Variants in ROBO2 observed in about 807,000 individuals in gnomAD.
The protein encoded by ROBO2 is roundabout guidance receptor 2.
In ROBO2, 53 loss-of-function variants were observed where a neutral mutation model predicts 160.8. The ratio of observed to expected loss-of-function variants is 0.33; its 90% CI spans 0.26 to 0.41. ROBO2 has a LOEUF of 0.41. Ranked by LOEUF, ROBO2 falls within the 10% of genes least tolerant of loss-of-function variation. ROBO2 has a pLI of 1.00. For missense variants in ROBO2, 1,577 were observed against 1,722.4 expected (o/e 0.92, Z 1.49); for synonymous variants, 664 against 611.7 (o/e 1.09, Z -1.26).
chr3:77,619,193 T>C (rs1559741589), intron 22 of ROBO2, among the ~76,000 whole-genome samples: 1 of 152,144 alleles, frequency 6.6e-6, no homozygotes, highest in Non-Finnish European at 1.5e-5. Context: ...TGCTCAACAT[T>C]TATATGCTAT....
chr3:76,429,163 GGC>G (rs748029498), intron 2 of ROBO2, among the ~76,000 whole-genome samples: 12 of 151,016 alleles, frequency 7.9e-5, no homozygotes, highest in Non-Finnish European at 1.6e-4. Context: ...CAGACCAGTG[GGC>G]GCACACACAC....
intron 2 of ROBO2, among the ~76,000 whole-genome samples, chr3:76,960,341 T>C (rs541475850): frequency 6.6e-6 from 1 of 152,258 alleles, no homozygotes; most frequent in South Asian, 2.1e-4. Context: ...TCTTTTTATA[T>C]TTCCTATTGC....
chr3:76,020,059 A>G (rs1478430748), intron 2 of ROBO2, among the ~76,000 whole-genome samples: 1 of 152,070 alleles, frequency 6.6e-6, no homozygotes, highest in Admixed American at 6.6e-5. Flanking sequence ...TGATTTCTTC[A>G]TATGTTTTGA....
chr3:77,077,055 C>T (rs955821257), intron 1 of ROBO2, among the ~76,000 whole-genome samples: 3 of 152,140 alleles, frequency 2.0e-5, no homozygotes, highest in Admixed American at 6.5e-5. Flanking sequence ...TGATGACATA[C>T]AGCACGTGTG....
chr3:76,277,527 T>C (rs137934606), intron 2 of ROBO2, among the ~76,000 whole-genome samples: 6 of 151,866 alleles, frequency 4.0e-5, no homozygotes, highest in Non-Finnish European at 8.8e-5. Flanking sequence ...ATGCTCAGCT[T>C]TTGGTATAAA....
intron 2 of ROBO2, among the ~76,000 whole-genome samples, chr3:76,461,984 A>G (rs540042271): frequency 1.3e-5 from 2 of 152,130 alleles, no homozygotes; most frequent in African/African-American, 4.8e-5. Flanking sequence ...TCAGTTCTTT[A>G]TCTAATCCTC....
chr3:77,410,539 CTT>C (rs2153520797), intron 2 of ROBO2, among the ~76,000 whole-genome samples: 1 of 137,168 alleles, frequency 7.3e-6, no homozygotes. Flanking sequence ...TCCTCCTCCT[CTT>C]CTTCCTCCTC....
At chr3:77,122,363 G>A (rs193241519) in intron 2 of ROBO2, among the ~76,000 whole-genome samples, 102 of 152,292 alleles carry the variant, frequency 6.7e-4, no homozygotes, top group African/African-American at 2.3e-3. Context: ...TTTCAGTCTA[G>A]TGTCCCTTGC....
At chr3:77,548,172 C>T (rs2092776968) in intron 7 of ROBO2, among the ~76,000 whole-genome samples, 1 of 151,700 alleles carries the variant, frequency 6.6e-6, no homozygotes, top group East Asian at 1.9e-4. Context: ...CACACACACA[C>T]ACAAAAAGGA....
intron 23 of ROBO2, chr3:77,632,972 T>C (rs1583414157): frequency 5.1e-6 from 1 of 197,398 alleles, no homozygotes; most frequent in Non-Finnish European, 1.0e-5. Context: ...AATAACACAT[T>C]TTGCAAAATC....
chr3:76,474,841 C>T (rs543483065), intron 2 of ROBO2, among the ~76,000 whole-genome samples: 2 of 152,208 alleles, frequency 1.3e-5, no homozygotes, highest in South Asian at 2.1e-4. Context: ...GAGCTGGACT[C>T]CACCCAGATG....
In ROBO2 at chr3:77,395,732, ATTAT is replaced by A. The variant is rs1229657048; in HGVS notation, c.389-81676_389-81673del. Among the ~76,000 whole-genome samples the A allele has an allele frequency of 9.9e-5, 15 of 152,226 alleles. No homozygotes were observed. The South Asian group carries it at 2.7e-3, about 27-fold the overall frequency. On this transcript the variant is annotated intron_variant, in intron 2 of 25. Coordinates refer to ENST00000461745, the Ensembl canonical transcript of ROBO2. ...TTAACTGATAATAACACTTTACTAA[ATTAT>A]TTATTACCAGAATTTTTAAGGGAAT...
intron 2 of ROBO2, among the ~76,000 whole-genome samples, chr3:76,599,551 T>C (rs943737388): frequency 9.9e-5 from 15 of 152,226 alleles, no homozygotes; most frequent in Admixed American, 6.5e-5. Context: ...TTATATTCCT[T>C]TGGGTATATA....
At chr3:76,734,535 C>T (rs974189228) in intron 2 of ROBO2, among the ~76,000 whole-genome samples, 10 of 152,124 alleles carry the variant, frequency 6.6e-5, no homozygotes, top group African/African-American at 2.2e-4. Flanking sequence ...TTTGGAGAAA[C>T]GACTTTCAGC....
At chr3:76,848,693 A>G (rs1275239692) in intron 2 of ROBO2, among the ~76,000 whole-genome samples, 1 of 152,184 alleles carries the variant, frequency 6.6e-6, no homozygotes. Context: ...GTGTCTTCAC[A>G]TGGGGAGAGG....
intron 2 of ROBO2, among the ~76,000 whole-genome samples, chr3:76,548,289 T>C (rs1013863397): frequency 2.6e-5 from 4 of 152,140 alleles, no homozygotes; most frequent in African/African-American, 9.7e-5. Flanking sequence ...GACAAAAAAA[T>C]GAAATTTTGT....
chr3:77,213,292 C>G (rs2151117973), intron 2 of ROBO2, among the ~76,000 whole-genome samples: 1 of 152,150 alleles, frequency 6.6e-6, no homozygotes, highest in Admixed American at 6.5e-5. Flanking sequence ...CAACTTCTTC[C>G]TGGTTTAGTC....
At chr3:76,305,598 A>C (rs1257603481) in intron 2 of ROBO2, among the ~76,000 whole-genome samples, 3 of 151,516 alleles carry the variant, frequency 2.0e-5, no homozygotes, top group Middle Eastern at 3.4e-3. Flanking sequence ...ATCTCTGCTA[A>C]AAATACAAAA....
intron 2 of ROBO2, among the ~76,000 whole-genome samples, chr3:76,736,214 G>A (rs866883350): frequency 1.3e-5 from 2 of 151,222 alleles, no homozygotes; most frequent in African/African-American, 2.4e-5. Flanking sequence ...CCCGGGAGGC[G>A]GAGCTTGCAG....
Sources: allele counts gnomAD v4.1 joint callset (sites outside exome capture counted in the v4.1 genomes callset), GRCh38; gene constraint gnomAD v4.1.1; transcripts MANE v1.5; gene names NCBI Gene and HGNC (gene_info 2026-07-23, HGNC 2026-07-21).